MFAP3L: variants seen among roughly 807,000 people sequenced by gnomAD.
The protein encoded by MFAP3L is microfibril associated protein 3 like.
MFAP3L carries 5 observed loss-of-function variants against 20.0 expected under a neutral mutation model. That is an observed-to-expected ratio of 0.25 (90% CI 0.13 to 0.53). The LOEUF (loss-of-function observed/expected upper bound fraction) is 0.53. Among genes scored for constraint, MFAP3L ranks in the 20% least tolerant of loss-of-function variants. MFAP3L has a pLI of 0.96. For synonymous variants in MFAP3L, 219 were observed against 213.0 expected (o/e 1.03, Z -0.25); for missense variants, 409 against 527.5 (o/e 0.78, Z 2.20).
At chr4:170,023,956 G>A (rs891025499) in intron 1 of MFAP3L, among the ~76,000 whole-genome samples, 2 of 152,162 alleles carry the variant, frequency 1.3e-5, no homozygotes, top group African/African-American at 4.8e-5. Flanking sequence ...GTAATTTGCT[G>A]TAAATGTCTA....
chr4:170,000,443 A>G (rs917922349), intron 2 of MFAP3L, among the ~76,000 whole-genome samples: 2 of 152,180 alleles, frequency 1.3e-5, no homozygotes, highest in Non-Finnish European at 2.9e-5. Flanking sequence ...TTGTGAGGAT[A>G]TAGTATAATA....
chr4:169,989,499 G>C lies in MFAP3L; in HGVS notation c.*1879C>G, dbSNP rs1737506411. On this transcript the variant is annotated 3_prime_UTR_variant, in exon 3 of 3. Coordinates refer to ENST00000361618, the MANE Select transcript of MFAP3L (RefSeq NM_021647.8). ...TTGCTTGTCTCATGCAACGGGGGTT[G>C]GTTATCCTGGAAGACTGCAAACTTT... 1 of 152,192 alleles carries C rather than the reference G, an allele frequency of 6.6e-6. No individual in the cohort carries two copies. The highest frequency in any genetic ancestry group is 2.1e-4 in the South Asian group (1 of 4,832). 9.4% of individuals were successfully genotyped at this position (152,192 alleles called of 1,614,324 possible). A position where few individuals can be genotyped will look rare whatever the true frequency, so the allele number is the denominator to read the frequency against.
upstream of MFAP3L, chr4:170,026,572 G>GGCCCCGCGGAGGAGCC (rs1554003491): frequency 7.2e-4 from 109 of 151,858 alleles, no homozygotes; most frequent in South Asian, 0.015. Context: ...GCTGCGGAGC[G>GGCCCCGCGGAGGAGCC]GCCCCGCGGA....
intron 1 of MFAP3L, among the ~76,000 whole-genome samples, chr4:170,008,309 G>A (rs1739171964): frequency 6.6e-6 from 1 of 152,182 alleles, no homozygotes; most frequent in African/African-American, 2.4e-5. Context: ...CAGGTTGTTT[G>A]TATCACAGCG....
In MFAP3L at chr4:169,990,582, C is replaced by T. The variant is rs1195166510; in HGVS notation, c.*796G>A. The T allele has an allele frequency of 1.3e-5, 2 of 152,568 alleles. No homozygotes were observed. The highest frequency in any genetic ancestry group is 2.4e-5 in the African/African-American group (1 of 41,432). 9.5% of individuals were successfully genotyped at this position (152,568 alleles called of 1,614,324 possible). On this transcript the variant is annotated 3_prime_UTR_variant, in exon 3 of 3. Transcript: ENST00000361618. The stretch of plus-strand genomic sequence containing the variant: ...TCCCTCTACATCTCAGCTGAGCTCA[C>T]CAAAAGGCTCACTCAATCAGACAGG...
intron 1 of MFAP3L, among the ~76,000 whole-genome samples, chr4:170,019,677 A>C (rs1257360366): frequency 6.6e-6 from 1 of 152,212 alleles, no homozygotes; most frequent in East Asian, 1.9e-4. Context: ...GGGTCCCAGA[A>C]GTGGACAATT....
At chr4:170,014,731 G>A (rs1414797215) in intron 1 of MFAP3L, among the ~76,000 whole-genome samples, 1 of 152,042 alleles carries the variant, frequency 6.6e-6, no homozygotes, top group Non-Finnish European at 1.5e-5. Context: ...CCTTGATAAT[G>A]AAAGAGCCCT....
At chr4:170,013,252 AG>A in intron 1 of MFAP3L, among the ~76,000 whole-genome samples, 1 of 152,160 alleles carries the variant, frequency 6.6e-6, no homozygotes, top group African/African-American at 2.4e-5. Context: ...TCTAATATGG[AG>A]ATGAGATACT....
At chr4:170,016,513 C>T (rs1739710547) in intron 1 of MFAP3L, among the ~76,000 whole-genome samples, 1 of 152,246 alleles carries the variant, frequency 6.6e-6, no homozygotes, top group Non-Finnish European at 1.5e-5. Flanking sequence ...CATGCTCTAC[C>T]TACCTCGACC....
At chr4:170,016,361 GTAA>G (rs1739701500) in intron 1 of MFAP3L, among the ~76,000 whole-genome samples, 3 of 152,098 alleles carry the variant, frequency 2.0e-5, no homozygotes, top group Admixed American at 2.0e-4. Context: ...CCTGAAATGG[GTAA>G]ACCCCGGCAT....
At chr4:169,995,483 TTC>T (rs2110933426) in intron 2 of MFAP3L, among the ~76,000 whole-genome samples, 1 of 152,346 alleles carries the variant, frequency 6.6e-6, no homozygotes, top group African/African-American at 2.4e-5. Context: ...ATGGTGCAAA[TTC>T]TGTTTGGAGG....
At chr4:170,002,235 T>C in intron 2 of MFAP3L, 1 of 985,308 alleles carries the variant, frequency 1.0e-6, no homozygotes, top group Non-Finnish European at 1.2e-6. Flanking sequence ...ACCTAAAGGA[T>C]GATGTGGTGG....
chr4:169,996,017 C>G (rs1164280241), intron 2 of MFAP3L, among the ~76,000 whole-genome samples: 1 of 128,594 alleles, frequency 7.8e-6, no homozygotes, highest in African/African-American at 2.8e-5. Flanking sequence ...CACCCCCCAC[C>G]CCCCACCCTG....
chr4:170,019,600 A>C lies in MFAP3L; in HGVS notation c.-134+6634T>G, dbSNP rs914896181. On this transcript the variant is annotated intron_variant, in intron 1 of 2. Transcript: ENST00000361618. ...AGAACAGATGGATCCTATCTTGTTA[A>C]GAGGTACTGCTTTCGTAAACCGATG... Among the ~76,000 whole-genome samples, 7 of 152,362 alleles carry C rather than the reference A, an allele frequency of 4.6e-5. No homozygotes were observed. The South Asian group carries it at 1.4e-3, about 32-fold the overall frequency.
At chr4:170,001,719 G>C (rs1738633087) in intron 2 of MFAP3L, among the ~76,000 whole-genome samples, 1 of 152,152 alleles carries the variant, frequency 6.6e-6, no homozygotes, top group South Asian at 2.1e-4. Flanking sequence ...ATATTTCGTG[G>C]CCATTTGTGG....
chr4:169,994,983 T>C (rs1313349842), intron 2 of MFAP3L: 5 of 152,076 alleles, frequency 3.3e-5, no homozygotes, highest in Admixed American at 3.3e-4. Context: ...TAGCATGAGC[T>C]GTAACCATCT....
intron 1 of MFAP3L, among the ~76,000 whole-genome samples, chr4:170,015,615 T>G (rs138336068): frequency 6.6e-6 from 1 of 152,186 alleles, no homozygotes; most frequent in African/African-American, 2.4e-5. Flanking sequence ...CTGAAAGTAT[T>G]AGGACGCCCC....
chr4:170,005,712 T>C lies in MFAP3L; in HGVS notation c.166A>G (p.Ile56Val). ...GCACTGTTCCCTTCCTTGACTATGA[T>C]ATGGTCAGTTCTGGCAATGATTACG... is the stretch of plus-strand genomic sequence containing the variant. ...VPVIIARTDHIIVKEGNSALI... is the reference protein window; with the variant it reads ...VPVIIARTDHVIVKEGNSALI... The change falls in exon 2 of 3, where the codon ATC (isoleucine) becomes GTC (valine). Residue 56 changes from isoleucine (I) to valine (V), a missense_variant. Coordinates refer to ENST00000361618, the MANE Select transcript of MFAP3L (RefSeq NM_021647.8). The C allele has an allele frequency of 6.2e-7, 1 of 1,614,198 alleles. No individual in the cohort carries two copies. The highest frequency in any genetic ancestry group is 8.5e-7 in the Non-Finnish European group (1 of 1,180,030).
chr4:170,002,997 C>A (rs1363974920), intron 2 of MFAP3L, among the ~76,000 whole-genome samples: 1 of 152,108 alleles, frequency 6.6e-6, no homozygotes, highest in Non-Finnish European at 1.5e-5. Flanking sequence ...TACCAATAGG[C>A]CATTCCAGCT....
Sources: gnomAD v4.1 joint callset for allele counts (sites outside exome capture counted in the v4.1 genomes callset) on GRCh38, gnomAD v4.1.1 for gene constraint, MANE v1.5 for transcripts, NCBI Gene and HGNC (gene_info 2026-07-23, HGNC 2026-07-21) for gene names.